ADD3: variants seen among roughly 807,000 people sequenced by gnomAD.
ADD3 encodes adducin 3.
In ADD3, 25 loss-of-function variants were observed where a neutral mutation model predicts 80.2. That is an observed-to-expected ratio of 0.31 (90% CI 0.23 to 0.44). The LOEUF (loss-of-function observed/expected upper bound fraction) is 0.44, where lower values mean the gene tolerates loss of function less well. Ranked by LOEUF, ADD3 falls within the 20% of genes least tolerant of loss-of-function variation. ADD3 has a pLI of 1.00. For synonymous variants in ADD3, 284 were observed against 289.6 expected (o/e 0.98, Z 0.20); for missense variants, 829 against 847.5 (o/e 0.98, Z 0.27).
At chr10:110,074,520 G>A (rs900926530) in intron 1 of ADD3, among the ~76,000 whole-genome samples, 3 of 152,114 alleles carry the variant, frequency 2.0e-5, no homozygotes, top group African/African-American at 7.2e-5. Flanking sequence ...GAGGGCAAAA[G>A]GGGAAGGGGA....
In ADD3 at chr10:110,132,383, T is replaced by C; in HGVS notation, c.1811T>C (p.Val604Ala). 1 of 1,612,590 alleles carries C rather than the reference T, an allele frequency of 6.2e-7. No individual in the cohort carries two copies. The highest frequency in any genetic ancestry group is 1.1e-5 in the South Asian group (1 of 91,012). The change falls in exon 14 of 15, where the codon GTC becomes GCC. Residue 604 changes from valine to alanine, a missense_variant. By Grantham distance (64) the Val-to-Ala change is moderately conservative. Transcript: ENST00000356080. Reference sequence around the variant, plus strand: ...TCTCAAACTCAGTCACCGCAAAATGTCCCTGAAAAATTAGAAGGTACTCAA... The same window carrying C: ...TCTCAAACTCAGTCACCGCAAAATGCCCCTGAAAAATTAGAAGGTACTCAA... Reference protein sequence around the residue: ...IQSQTQSPQNVPEKLEENHEL... With the variant: ...IQSQTQSPQNAPEKLEENHEL...
rs558782432 is a variant in ADD3, at chr10:110,127,047, T to C, written c.1608+544T>C. Among the ~76,000 whole-genome samples the C allele has an allele frequency of 3.9e-5, 6 of 152,372 alleles. No homozygotes were observed. The South Asian group carries it at 1.2e-3, about 32-fold the overall frequency. ...AGTTCATCTTAGAATTAATGAAATA[T>C]TTTTGAAAGATGGGGATTTAGCCTG... On this transcript the variant is annotated intron_variant, in intron 12 of 14. Coordinates refer to ENST00000356080, the MANE Select transcript of ADD3 (RefSeq NM_016824.5).
chr10:110,090,513 GCCC>G (rs1054977288), intron 1 of ADD3, among the ~76,000 whole-genome samples: 5 of 152,046 alleles, frequency 3.3e-5, no homozygotes, highest in Non-Finnish European at 7.4e-5. Flanking sequence ...GAGCCACCAT[GCCC>G]AGCCCCTACT....
intron 1 of ADD3, among the ~76,000 whole-genome samples, chr10:110,098,480 T>C (rs777856968): frequency 2.6e-5 from 4 of 152,216 alleles, no homozygotes; most frequent in Admixed American, 6.5e-5. Context: ...AGTGCTGACA[T>C]TGATGTGTTT....
At chr10:110,113,530 G>C (rs558964320) in intron 3 of ADD3, among the ~76,000 whole-genome samples, 1 of 152,294 alleles carries the variant, frequency 6.6e-6, no homozygotes, top group Admixed American at 6.5e-5. Context: ...GCCTCCCAAA[G>C]TGCTGGGATT....
chr10:110,130,714 G>A (rs1179323040), intron 13 of ADD3, among the ~76,000 whole-genome samples: 1 of 151,960 alleles, frequency 6.6e-6, no homozygotes, highest in African/African-American at 2.4e-5. Flanking sequence ...AAATTAGCCG[G>A]GCATGGTGGT....
intron 1 of ADD3, among the ~76,000 whole-genome samples, chr10:110,026,575 C>G (rs567171909): frequency 6.6e-6 from 1 of 152,152 alleles, no homozygotes; most frequent in South Asian, 2.1e-4. Context: ...CCACCACACC[C>G]GGCTGATTGT....
At chr10:110,013,844 G>C (rs546984013) in intron 1 of ADD3, among the ~76,000 whole-genome samples, 1 of 152,306 alleles carries the variant, frequency 6.6e-6, no homozygotes, top group African/African-American at 2.4e-5. Context: ...TTACCTACTA[G>C]AGGAGGTGGA....
intron 1 of ADD3, among the ~76,000 whole-genome samples, chr10:110,094,092 T>A (rs1240228527): frequency 1.3e-5 from 2 of 152,214 alleles, no homozygotes; most frequent in Non-Finnish European, 2.9e-5. Context: ...TACATCTATT[T>A]TTCTGTGCAT....
chr10:110,035,112 A>G (rs535580975), intron 1 of ADD3, among the ~76,000 whole-genome samples: 17 of 152,372 alleles, frequency 1.1e-4, no homozygotes, highest in African/African-American at 3.6e-4. Context: ...AATGCTAAGT[A>G]GTATTTATAA....
chr10:110,086,283 G>C (rs1163438114), intron 1 of ADD3, among the ~76,000 whole-genome samples: 1 of 151,946 alleles, frequency 6.6e-6, no homozygotes, highest in Non-Finnish European at 1.5e-5. Context: ...GGTGGCACGT[G>C]CCTGTAGTCC....
chr10:110,119,107 A>C (rs987302841), intron 6 of ADD3, 104 bp from the exon 7 acceptor site: 1 of 1,244,390 alleles, frequency 8.0e-7, no homozygotes, highest in Admixed American at 2.2e-5. Context: ...GGTGAAACAC[A>C]GTGAATAGGC....
chr10:110,096,324 A>G (rs946794505), intron 1 of ADD3, among the ~76,000 whole-genome samples: 6 of 144,526 alleles, frequency 4.2e-5, no homozygotes, highest in Admixed American at 6.7e-5. Flanking sequence ...CTCCAGTAGC[A>G]GTCTCCTCAC....
intron 1 of ADD3, among the ~76,000 whole-genome samples, chr10:110,010,066 G>T (rs1397445399): frequency 6.6e-6 from 1 of 152,116 alleles, no homozygotes; most frequent in Non-Finnish European, 1.5e-5. Context: ...TATTATGCTG[G>T]CATGAATGTG....
At chr10:110,116,130 G>T in intron 3 of ADD3, 129 bp from the exon 4 acceptor site, 2 of 777,090 alleles carry the variant, frequency 2.6e-6, no homozygotes, top group Non-Finnish European at 4.1e-6. Flanking sequence ...ATATTATATG[G>T]GCTGATAAAT....
At chr10:110,087,185 C>T (rs1041583438) in intron 1 of ADD3, among the ~76,000 whole-genome samples, 1 of 152,044 alleles carries the variant, frequency 6.6e-6, no homozygotes, top group African/African-American at 2.4e-5. Flanking sequence ...CCCACCACCA[C>T]GCCCAGCTAA....
chr10:110,074,575 CTTT>C (rs754005451), intron 1 of ADD3, among the ~76,000 whole-genome samples: 1 of 143,194 alleles, frequency 7.0e-6, no homozygotes, highest in African/African-American at 2.6e-5. Context: ...ACCTCATTTC[CTTT>C]TTTTTTTTTT....
intron 5 of ADD3, among the ~76,000 whole-genome samples, chr10:110,117,745 G>T (rs1850934254): frequency 6.6e-6 from 1 of 151,878 alleles, no homozygotes; most frequent in African/African-American, 2.4e-5. Context: ...GCCAGGTGCA[G>T]TGGCTCACGC....
Position 110,133,754 on chromosome 10 carries a change from G to T in ADD3, c.*136G>T. On this transcript the variant is annotated 3_prime_UTR_variant, in exon 15 of 15. Coordinates refer to ENST00000356080, the MANE Select transcript of ADD3 (RefSeq NM_016824.5). Reference sequence around the variant, plus strand: ...AACTGGACTTTAAGAACTGGAAAGAGGTTTTACAAAAGAAAAACTTTCAGA... The same window carrying T: ...AACTGGACTTTAAGAACTGGAAAGATGTTTTACAAAAGAAAAACTTTCAGA... 2 of 697,634 alleles carry T rather than the reference G, an allele frequency of 2.9e-6. No individual in the cohort carries two copies. The highest frequency in any genetic ancestry group is 3.6e-5 in the South Asian group (1 of 27,582). 43.2% of individuals were successfully genotyped at this position (697,634 alleles called of 1,614,324 possible).
Sources: allele counts gnomAD v4.1 joint callset (sites outside exome capture counted in the v4.1 genomes callset), GRCh38; gene constraint gnomAD v4.1.1; transcripts MANE v1.5; gene names NCBI Gene and HGNC (gene_info 2026-07-23, HGNC 2026-07-21).